The following PTPRD variants were observed in gnomAD, a reference collection of about 807,000 sequenced individuals.
PTPRD encodes the protein receptor-type tyrosine-protein phosphatase delta.
A neutral mutation model predicts 214.5 loss-of-function variants in PTPRD; 34 were observed. The ratio of observed to expected loss-of-function variants is 0.16; its 90% CI spans 0.12 to 0.21. The LOEUF is 0.21. Among genes scored for constraint, PTPRD ranks in the 10% least tolerant of loss-of-function variants. The pLI is 1.00. For synonymous variants in PTPRD, 1,128 were observed against 845.7 expected (o/e 1.33, Z -5.79); for missense variants, 2,545 against 2,398.7 (o/e 1.06, Z -1.27).
chr9:9,396,567 T>A (rs1036126968), intron 9 of PTPRD, among the ~76,000 whole-genome samples: 2 of 151,998 alleles, frequency 1.3e-5, no homozygotes, highest in African/African-American at 4.8e-5. Flanking sequence ...CCTATGTAAA[T>A]TTTTTTACGC....
At chr9:9,710,375 G>A (rs910633073) in intron 7 of PTPRD, among the ~76,000 whole-genome samples, 1 of 152,014 alleles carries the variant, frequency 6.6e-6, no homozygotes. Context: ...CTTACAATGG[G>A]AAAGGTGATT....
chr9:10,376,948 T>C (rs1383126174), intron 2 of PTPRD, among the ~76,000 whole-genome samples: 1 of 152,010 alleles, frequency 6.6e-6, no homozygotes, highest in Non-Finnish European at 1.5e-5. Flanking sequence ...TACAATTAAA[T>C]TGTTATTGAC....
intron 7 of PTPRD, among the ~76,000 whole-genome samples, chr9:9,593,940 C>G (rs749949312): frequency 1.3e-5 from 2 of 152,028 alleles, no homozygotes; most frequent in Non-Finnish European, 2.9e-5. Context: ...TCTCAGATAT[C>G]TGTAACCTGA....
intron 7 of PTPRD, among the ~76,000 whole-genome samples, chr9:9,686,964 G>T (rs183586765): frequency 9.9e-5 from 15 of 151,772 alleles, no homozygotes; most frequent in African/African-American, 3.4e-4. Flanking sequence ...CATTGTCCCT[G>T]CCTTGCCAAA....
intron 3 of PTPRD, among the ~76,000 whole-genome samples, chr9:10,281,123 T>C (rs2095084662): frequency 1.3e-5 from 2 of 152,092 alleles, no homozygotes; most frequent in Non-Finnish European, 2.9e-5. Flanking sequence ...CAGCAATCTC[T>C]CCTTACACTA....
chr9:8,808,051 C>A (rs1000743072), intron 11 of PTPRD, among the ~76,000 whole-genome samples: 3 of 152,172 alleles, frequency 2.0e-5, no homozygotes, highest in African/African-American at 7.2e-5. Context: ...TGCACAAGGT[C>A]ATGAAAGTCC....
chr9:10,442,119 CATTTGATTTGAGCTT>C (rs2098763492), intron 2 of PTPRD, among the ~76,000 whole-genome samples: 1 of 151,664 alleles, frequency 6.6e-6, no homozygotes, highest in Non-Finnish European at 1.5e-5. Context: ...TAGTCAAATA[CATTTGATTTGAGCTT>C]ATTATCCTCA....
intron 11 of PTPRD, among the ~76,000 whole-genome samples, chr9:8,758,542 G>C (rs944267984): frequency 1.3e-5 from 2 of 152,150 alleles, no homozygotes; most frequent in African/African-American, 4.8e-5. Context: ...ATGCTAGAAT[G>C]AAAGGCTCAT....
intron 14 of PTPRD, among the ~76,000 whole-genome samples, chr9:8,538,683 A>G (rs1214022636): frequency 1.3e-5 from 2 of 150,350 alleles, no homozygotes; most frequent in African/African-American, 2.5e-5. Flanking sequence ...ATGTATACAT[A>G]TATATATGAC....
chr9:8,431,733 G>C (rs1477872362), intron 35 of PTPRD, among the ~76,000 whole-genome samples: 2 of 152,164 alleles, frequency 1.3e-5, no homozygotes, highest in African/African-American at 4.8e-5. Context: ...ATGCAGATTT[G>C]TGGATACCAC....
At chr9:9,692,836 G>C (rs2097299140) in intron 7 of PTPRD, among the ~76,000 whole-genome samples, 1 of 151,664 alleles carries the variant, frequency 6.6e-6, no homozygotes, top group Non-Finnish European at 1.5e-5. Context: ...TCACTGTAGA[G>C]ATGTTTTACC....
chr9:10,603,709 G>C lies in PTPRD; in HGVS notation c.-600+8689C>G, dbSNP rs571232035. On this transcript the variant is annotated intron_variant, in intron 2 of 45. Coordinates refer to ENST00000381196, the MANE Select transcript of PTPRD (RefSeq NM_002839.4). ...GATATGAAGCAGTCAATAAGTGTTG[G>C]CTATTATTATTACCTTCTATCTGAA... Among the ~76,000 whole-genome samples the C allele has an allele frequency of 9.9e-5, 15 of 151,862 alleles. No homozygotes were observed. The South Asian group carries it at 2.5e-3, about 25-fold the overall frequency.
At chr9:9,900,748 T>C (rs1205780266) in intron 5 of PTPRD, among the ~76,000 whole-genome samples, 1 of 151,472 alleles carries the variant, frequency 6.6e-6, no homozygotes. Flanking sequence ...GTGATTCTCC[T>C]GCCTCAGCCT....
intron 14 of PTPRD, among the ~76,000 whole-genome samples, chr9:8,589,368 T>C (rs1327153753): frequency 6.6e-6 from 1 of 152,184 alleles, no homozygotes; most frequent in Admixed American, 6.6e-5. Flanking sequence ...TTCTCGTAAG[T>C]CCTGGAATTC....
At chr9:10,411,073 C>CTTTTTAAA (rs1311507337) in intron 2 of PTPRD, among the ~76,000 whole-genome samples, 1 of 151,692 alleles carries the variant, frequency 6.6e-6, no homozygotes, top group Non-Finnish European at 1.5e-5. Context: ...TGCCTGTTAC[C>CTTTTTAAA]TTTTTAAATT....
chr9:9,244,420 T>C, intron 9 of PTPRD, among the ~76,000 whole-genome samples: 1 of 152,240 alleles, frequency 6.6e-6, no homozygotes, highest in Non-Finnish European at 1.5e-5. Flanking sequence ...AACACCATGG[T>C]ACTGGTACCA....
At chr9:9,272,265 T>G (rs1384873479) in intron 9 of PTPRD, among the ~76,000 whole-genome samples, 1 of 151,268 alleles carries the variant, frequency 6.6e-6, no homozygotes, top group Non-Finnish European at 1.5e-5. Flanking sequence ...CACTGAGAGA[T>G]TGATATGCAG....
intron 5 of PTPRD, among the ~76,000 whole-genome samples, chr9:9,836,169 G>A (rs761251579): frequency 6.6e-6 from 1 of 152,290 alleles, no homozygotes; most frequent in East Asian, 1.9e-4. Flanking sequence ...TCCAGGATTA[G>A]TAACAAGGCA....
chr9:8,694,864 G>A (rs916596251), intron 12 of PTPRD, among the ~76,000 whole-genome samples: 2 of 152,058 alleles, frequency 1.3e-5, no homozygotes, highest in Non-Finnish European at 2.9e-5. Flanking sequence ...CCCATGGCTT[G>A]GAACTGTAAG....
Sources: allele counts gnomAD v4.1 joint callset (sites outside exome capture counted in the v4.1 genomes callset), GRCh38; gene constraint gnomAD v4.1.1; transcripts MANE v1.5; gene names NCBI Gene and HGNC (gene_info 2026-07-23, HGNC 2026-07-21).